The following TUBGCP3 variants were observed in gnomAD, a reference collection of about 807,000 sequenced individuals.
TUBGCP3 encodes the protein tubulin gamma complex component 3, also known as gamma-tubulin complex component 3.
In TUBGCP3, 50 loss-of-function variants were observed where a neutral mutation model predicts 123.1. The ratio of observed to expected loss-of-function variants is 0.41; its 90% CI spans 0.32 to 0.51. TUBGCP3 has a LOEUF of 0.51. TUBGCP3 is among the 20% of genes least tolerant of loss of function. The probability of loss-of-function intolerance (pLI) is 0.36; values close to 1 mark genes in which losing one functional copy is unlikely to be tolerated. For synonymous variants in TUBGCP3, 405 were observed against 413.9 expected (o/e 0.98, Z 0.26); for missense variants, 882 against 1,127.0 (o/e 0.78, Z 3.11).
chr13:112,528,156 T>G (rs1392286738), intron 11 of TUBGCP3, among the ~76,000 whole-genome samples: 1 of 152,240 alleles, frequency 6.6e-6, no homozygotes, highest in Non-Finnish European at 1.5e-5. Context: ...AACTGAGCAG[T>G]AAGGAGAAAA....
chr13:112,517,324 G>C (rs1199512679), intron 16 of TUBGCP3, among the ~76,000 whole-genome samples: 1 of 152,120 alleles, frequency 6.6e-6, no homozygotes, highest in Admixed American at 6.6e-5. Flanking sequence ...TACTAAAGTA[G>C]AGCTTTACAG....
chr13:112,565,247 C>A, intron 2 of TUBGCP3, 69 bp from the exon 3 acceptor site: 1 of 1,303,036 alleles, frequency 7.7e-7, no homozygotes, highest in South Asian at 1.2e-5. Context: ...GATACTATTT[C>A]ACCTACAACA....
chr13:112,577,598 AAAT>A (rs1397030722), intron 1 of TUBGCP3, among the ~76,000 whole-genome samples: 1 of 152,186 alleles, frequency 6.6e-6, no homozygotes, highest in East Asian at 1.9e-4. Flanking sequence ...GAGGAAATCT[AAAT>A]AACTATGGAG....
intron 1 of TUBGCP3, among the ~76,000 whole-genome samples, chr13:112,579,765 GAA>G (rs1882150652): frequency 1.3e-5 from 2 of 152,250 alleles, no homozygotes; most frequent in Non-Finnish European, 2.9e-5. Context: ...AGCCATACTG[GAA>G]AAGAGTCTGG....
At chr13:112,604,719 C>G in the TUBGCP3 span, 4 of 152,202 alleles carry the variant, frequency 2.6e-5, no homozygotes, top group Non-Finnish European at 5.9e-5. Flanking sequence ...GGAGACAGCC[C>G]TGGTAATGGG....
At chr13:112,504,242 C>G (rs1881125871) in intron 18 of TUBGCP3, 79 bp from the exon 19 acceptor site, 1 of 1,560,234 alleles carries the variant, frequency 6.4e-7, no homozygotes, top group African/African-American at 1.4e-5. Flanking sequence ...TATATACCAC[C>G]TATGGGAGGC....
chr13:112,509,499 G>A (rs1332448624), intron 17 of TUBGCP3, among the ~76,000 whole-genome samples: 1 of 152,180 alleles, frequency 6.6e-6, no homozygotes, highest in East Asian at 1.9e-4. Context: ...TATAAGCAAG[G>A]TCAATTTAGC....
upstream of TUBGCP3, among the ~76,000 whole-genome samples, chr13:112,592,160 T>C (rs1241305240): frequency 6.6e-6 from 1 of 152,226 alleles, no homozygotes; most frequent in Non-Finnish European, 1.5e-5. The surrounding 1 kb of genome is among the most constrained non-coding windows in gnomAD (Gnocchi z 4.1). Flanking sequence ...CTCTGCATTA[T>C]GCCTGGACAT....
upstream of TUBGCP3, among the ~76,000 whole-genome samples, chr13:112,591,041 G>T (rs556766892): frequency 4.7e-4 from 71 of 152,318 alleles, no homozygotes; most frequent in African/African-American, 1.6e-3. Context: ...TTTAGTAAAA[G>T]ATTCTTTCCA....
intron 8 of TUBGCP3, among the ~76,000 whole-genome samples, chr13:112,550,881 G>A (rs1362592131): frequency 1.3e-5 from 2 of 152,190 alleles, no homozygotes; most frequent in African/African-American, 4.8e-5. Flanking sequence ...GGCAGATCAT[G>A]AGGTCAGGAG....
At chr13:112,533,036 G>A (rs2139114767) in intron 11 of TUBGCP3, among the ~76,000 whole-genome samples, 1 of 152,326 alleles carries the variant, frequency 6.6e-6, no homozygotes. Context: ...AGAGGCAGCT[G>A]GGCAGAGAGG....
chr13:112,563,336 T>C (rs760177939), intron 3 of TUBGCP3, among the ~76,000 whole-genome samples: 6 of 152,258 alleles, frequency 3.9e-5, no homozygotes, highest in Middle Eastern at 6.8e-3. Context: ...TTTAGCAAAA[T>C]GATGGAATGG....
Position 112,506,479 on chromosome 13 carries a change from G to T in TUBGCP3, c.2087-1765C>A, listed in dbSNP as rs148181585. Among the ~76,000 whole-genome samples, 195 of 152,324 alleles carry T rather than the reference G, an allele frequency of 1.3e-3. 1 individual carries two copies. The highest frequency in any genetic ancestry group is 3.9e-3 in the African/African-American group (164 of 41,560). ...AGTGAACTATAGCGTCCACAGTCAT[G>T]AGATGCACTCTCAGCTCTAAGACCC... On this transcript the variant is annotated intron_variant, in intron 17 of 21. Transcript: ENST00000261965.
chr13:112,505,546 A>G (rs1343005284), intron 17 of TUBGCP3, among the ~76,000 whole-genome samples: 3 of 152,240 alleles, frequency 2.0e-5, no homozygotes, highest in Non-Finnish European at 4.4e-5. Flanking sequence ...GCCTCTTTAT[A>G]GAGGTGTGTA....
At chr13:112,547,420 T>A in intron 10 of TUBGCP3, 200 bp downstream of exon 10, 1 of 905,382 alleles carries the variant, frequency 1.1e-6, no homozygotes, top group Non-Finnish European at 1.5e-6. Context: ...ACACGGCCAT[T>A]AAGGACAAAA....
intron 17 of TUBGCP3, among the ~76,000 whole-genome samples, chr13:112,515,850 T>C (rs886526129): frequency 6.6e-6 from 1 of 152,222 alleles, no homozygotes; most frequent in Non-Finnish European, 1.5e-5. Context: ...GCAGAGATCA[T>C]GAACTGCTTT....
At chr13:112,551,433 C>A (rs1001145152) in intron 8 of TUBGCP3, among the ~76,000 whole-genome samples, 1 of 152,240 alleles carries the variant, frequency 6.6e-6, no homozygotes, top group African/African-American at 2.4e-5. Flanking sequence ...GTAATACTGA[C>A]ACAGGACATA....
rs567831886 is a variant in TUBGCP3 at position 112,506,994 on chromosome 13, G to T, written c.2087-2280C>A. Among the ~76,000 whole-genome samples, 5 of 152,284 alleles carry T rather than the reference G, an allele frequency of 3.3e-5. No homozygotes were observed. The South Asian group carries it at 1.0e-3, about 32-fold the overall frequency. On this transcript the variant is annotated intron_variant, in intron 17 of 21. Coordinates refer to ENST00000261965, the MANE Select transcript of TUBGCP3 (RefSeq NM_006322.6). Reference sequence around the variant, plus strand: ...TAGCCAGTCTTCCCTGGAGAATGGTGAGTATTTAAAACATTCTACAGGTGC... The same window carrying T: ...TAGCCAGTCTTCCCTGGAGAATGGTTAGTATTTAAAACATTCTACAGGTGC...
chr13:112,489,444 A>G, intron 21 of TUBGCP3, 137 bp downstream of exon 21: 2 of 709,956 alleles, frequency 2.8e-6, no homozygotes, highest in Admixed American at 4.0e-5. Flanking sequence ...AGGGTCCACC[A>G]TGGGTGCTAC....
Sources: gnomAD v4.1 joint callset for allele counts (sites outside exome capture counted in the v4.1 genomes callset) on GRCh38, gnomAD v4.1.1 for gene constraint, Gnocchi (gnomAD v3.1) non-coding constraint, MANE v1.5 for transcripts, NCBI Gene and HGNC (gene_info 2026-07-23, HGNC 2026-07-21) for gene names.